Variants in FAAH observed in about 807,000 individuals in gnomAD.
The protein encoded by FAAH is fatty-acid amide hydrolase 1.
FAAH carries 63 observed loss-of-function variants against 69.7 expected under a neutral mutation model. The observed-to-expected ratio is 0.90, with a 90% CI of 0.74 to 1.12. The LOEUF (loss-of-function observed/expected upper bound fraction) is 1.12. FAAH is among the 50% of genes most tolerant of loss of function. The pLI is 0.00. For synonymous variants in FAAH, 305 were observed against 324.2 expected, an observed-to-expected ratio of 0.94 and a Z score of 0.64; for missense variants, 680 against 755.0, an observed-to-expected ratio of 0.90 and a Z score of 1.16.
chr1:46,410,961 C>A lies in FAAH; in HGVS notation c.1316+107C>A. ...GACTTGAGGGAAGTAGCCTCTGAGG[C>A]TGGAAGTGGCCCAGGCAGGGGGGCA... On this transcript the variant is annotated intron_variant, in intron 11 of 14. Coordinates refer to ENST00000243167, the MANE Select transcript of FAAH (RefSeq NM_001441.3). The surrounding 1 kb of genome is among the most constrained non-coding windows in gnomAD (Gnocchi z 4.9). The A allele has an allele frequency of 7.0e-7, 1 of 1,428,536 alleles. No individual in the cohort carries two copies. The highest frequency in any genetic ancestry group is 9.8e-7 in the Non-Finnish European group (1 of 1,015,536). The allele number at this position is 1,428,536 out of a possible 1,614,324, so 88.5% of individuals were successfully genotyped here.
chr1:46,405,473 C>G lies in FAAH; in HGVS notation c.546C>G (p.Phe182Leu), dbSNP rs200922885. The G allele has an allele frequency of 2.7e-6, 4 of 1,486,468 alleles. No individual in the cohort carries two copies. The highest frequency in any genetic ancestry group is 3.6e-6 in the Non-Finnish European group (4 of 1,102,752). The allele number at this position is 1,486,468 out of a possible 1,614,324, so 92.1% of individuals were successfully genotyped here. A position where few individuals can be genotyped will look rare whatever the true frequency, so the allele number is the denominator to read the frequency against. Residue 182 changes from phenylalanine (F) to leucine (L), a missense_variant, in exon 4 of 15, where the codon TTC (phenylalanine) becomes TTG (leucine). By Grantham distance (22) the Phe-to-Leu change is conservative. Transcript: ENST00000243167. This position sits in a 1 kb window ranked among gnomAD's most constrained non-coding sequence, Gnocchi z 4.1. ...TGAAGCTGCAGGGTGCCGTGCCCTT[C>G]GTGCACACCAATGTTCCACAGTCCA... ...HVLKLQGAVP[F>L]VHTNVPQSMF...
chr1:46,406,013 C>T (rs1370466922), intron 5 of FAAH, 25 bp from the exon 6 acceptor site: 1 of 1,614,020 alleles, frequency 6.2e-7, no homozygotes, highest in South Asian at 1.1e-5. Context: ...TTTCCTGTTT[C>T]CAGCATCTTA....
rs1664909548 is a variant in FAAH, at chr1:46,411,320, G to A, written c.1317-292G>A. 6.6e-6 allele frequency among the ~76,000 whole-genome samples: 1 copy of A among 152,210 alleles called. No individual in the cohort carries two copies. Among genetic ancestry groups the A allele is most frequent in the Non-Finnish European group, 1.5e-5 (1 of 68,028 alleles). On this transcript the variant is annotated intron_variant, in intron 11 of 14. Transcript: ENST00000243167. This position sits in a 1 kb window ranked among gnomAD's most constrained non-coding sequence, Gnocchi z 4.8. ...GACTCACTCCTTCCCTTACCACCAG[G>A]CTTCAGGACTGGCAGCAGCTATGGC...
In FAAH at chr1:46,411,035, A is replaced by G; in HGVS notation, c.1316+181A>G. The stretch of plus-strand genomic sequence containing the variant: ...CTTTGAAGTTGTCTTGGCAAGGTCC[A>G]GTTCTGGCTGGAGAGCAAAGGCCTG... On this transcript the variant is annotated intron_variant, in intron 11 of 14. Coordinates refer to ENST00000243167, the MANE Select transcript of FAAH (RefSeq NM_001441.3). The surrounding 1 kb of genome is among the most constrained non-coding windows in gnomAD (Gnocchi z 4.8). 2 of 756,758 alleles carry G rather than the reference A, an allele frequency of 2.6e-6. No individual in the cohort carries two copies. Among genetic ancestry groups the G allele is most frequent in the Non-Finnish European group, 4.7e-6 (2 of 429,426 alleles). 46.9% of individuals were successfully genotyped at this position (756,758 alleles called of 1,614,324 possible).
At chr1:46,403,526 C>A (rs758850945) in intron 2 of FAAH, among the ~76,000 whole-genome samples, 1 of 152,246 alleles carries the variant, frequency 6.6e-6, no homozygotes, top group South Asian at 2.1e-4. Flanking sequence ...CCCAGCTCTT[C>A]AGGCCATCTC....
chr1:46,405,151 A>G lies in FAAH; in HGVS notation c.444+3A>G. On this transcript the variant is annotated splice_donor_region_variant and intron_variant, in intron 3 of 14. Transcript: ENST00000243167. This position sits in a 1 kb window ranked among gnomAD's most constrained non-coding sequence, Gnocchi z 4.1. ...TCAAGGAGTGCTTCACCTACAAGGT[A>G]TGCTCTGCCTCAGCGCCAGGCCTCC... 1 of 1,613,664 alleles carries G rather than the reference A, an allele frequency of 6.2e-7. No individual in the cohort carries two copies. Among genetic ancestry groups the G allele is most frequent in the Non-Finnish European group, 8.5e-7 (1 of 1,180,042 alleles).
chr1:46,403,919 AT>A (rs1664747102), intron 2 of FAAH, among the ~76,000 whole-genome samples: 1 of 152,222 alleles, frequency 6.6e-6, no homozygotes, highest in African/African-American at 2.4e-5. Context: ...CTCAAGAAAT[AT>A]GTTTGAAAAG....
At position 46,411,863 on chromosome 1, in the gene FAAH, G is replaced by T. The variant is rs752035103; in HGVS notation, c.1356+212G>T. ...TCCTTTGAGGCTGGGTCAGCCCCAGGCTCCTGTCCTGGCCGCCTTTTTGCC... is the reference window on the plus strand; with the variant it reads ...TCCTTTGAGGCTGGGTCAGCCCCAGTCTCCTGTCCTGGCCGCCTTTTTGCC... On this transcript the variant is annotated intron_variant, in intron 12 of 14. Transcript: ENST00000243167. The surrounding 1 kb of genome is among the most constrained non-coding windows in gnomAD (Gnocchi z 4.8). Among the ~76,000 whole-genome samples the T allele has an allele frequency of 6.6e-6, 1 of 152,254 alleles. No homozygotes were observed. The highest frequency in any genetic ancestry group is 1.5e-5 in the Non-Finnish European group (1 of 68,038).
In FAAH at chr1:46,405,042, G is replaced by C. The variant is rs200660693; in HGVS notation, c.338G>C (p.Cys113Ser). The C allele has an allele frequency of 4.2e-5, 67 of 1,613,998 alleles. No homozygotes were observed. Among genetic ancestry groups the C allele is most frequent in the Non-Finnish European group, 5.1e-5 (60 of 1,180,044 alleles). Residue 113 changes from cysteine to serine, a missense_variant, in exon 3 of 15, where the codon TGT (cysteine) becomes TCT (serine). Transcript: ENST00000243167. This position sits in a 1 kb window ranked among gnomAD's most constrained non-coding sequence, Gnocchi z 4.1. ...KAWEVNKGTN[C>S]VTSYLADCET... Reference sequence around the variant, plus strand: ...TGGGAAGTGAACAAAGGGACCAACTGTGTGACCTCCTATCTGGCTGACTGT... The same window carrying C: ...TGGGAAGTGAACAAAGGGACCAACTCTGTGACCTCCTATCTGGCTGACTGT...
chr1:46,408,589 G>C lies in FAAH; in HGVS notation c.1077+5G>C. 6.2e-7 allele frequency: 1 copy of C among 1,614,158 alleles called. No individual in the cohort carries two copies. Among genetic ancestry groups the C allele is most frequent in the Admixed American group, 1.7e-5 (1 of 60,034 alleles). Reference sequence around the variant, plus strand: ...CTTGAGGCTGCGGGGCACACGGTATGACTGCAGGGTCCTGGAAGTACTGGC... The same window carrying C: ...CTTGAGGCTGCGGGGCACACGGTATCACTGCAGGGTCCTGGAAGTACTGGC... On this transcript the variant is annotated splice_donor_5th_base_variant and intron_variant, in intron 8 of 14. Transcript: ENST00000243167.
At chr1:46,401,436 T>C (rs1664702474) in intron 1 of FAAH, among the ~76,000 whole-genome samples, 1 of 152,094 alleles carries the variant, frequency 6.6e-6, no homozygotes, top group South Asian at 2.1e-4. Context: ...ACAGAATGAA[T>C]GTGTAAACCC....
intron 1 of FAAH, among the ~76,000 whole-genome samples, chr1:46,398,156 A>G (rs555266010): frequency 1.6e-4 from 24 of 152,162 alleles, no homozygotes; most frequent in African/African-American, 5.1e-4. Flanking sequence ...GCTGGTCTTG[A>G]ACTCCTGACC....
intron 7 of FAAH, 65 bp downstream of exon 7, chr1:46,406,433 G>C: frequency 6.2e-7 from 1 of 1,607,428 alleles, no homozygotes; most frequent in East Asian, 2.2e-5. Flanking sequence ...CAGGCCTTGT[G>C]GGCAGGCCTT....
intron 1 of FAAH, among the ~76,000 whole-genome samples, chr1:46,394,962 C>A (rs1001736446): frequency 3.9e-5 from 6 of 152,016 alleles, no homozygotes; most frequent in Non-Finnish European, 5.9e-5. Context: ...TGTTTTGAGA[C>A]GGAGTCTCGC....
In FAAH at chr1:46,405,888, G is replaced by A. The variant is rs528853482; in HGVS notation, c.785+94G>A. The stretch of plus-strand genomic sequence containing the variant: ...GGCTCCAGGCGGGGATTCGGTCTCC[G>A]GGGTTTTGCTGGGAGGAAGCATTAC... On this transcript the variant is annotated intron_variant, in intron 5 of 14. Transcript: ENST00000243167. The surrounding 1 kb of genome is among the most constrained non-coding windows in gnomAD (Gnocchi z 4.1). 6 of 1,606,628 alleles carry A rather than the reference G, an allele frequency of 3.7e-6. No homozygotes were observed. Among genetic ancestry groups the A allele is most frequent in the Admixed American group, 3.4e-5 (2 of 58,828 alleles).
intron 1 of FAAH, among the ~76,000 whole-genome samples, 188 bp downstream of exon 1, chr1:46,394,731 A>G (rs1324398639): frequency 2.6e-5 from 4 of 152,232 alleles, no homozygotes; most frequent in Non-Finnish European, 5.9e-5. Flanking sequence ...AAGAAAGGAA[A>G]CGGTAGTGTC....
chr1:46,410,572 G>A lies in FAAH; in HGVS notation c.1275+75G>A, dbSNP rs999735181. The stretch of plus-strand genomic sequence containing the variant: ...GGCCTCCTATCGCATGATCCCCCAT[G>A]GCCTCCCTCAGCCTCTCTTGGTTTG... On this transcript the variant is annotated intron_variant, in intron 10 of 14. Transcript: ENST00000243167. This position sits in a 1 kb window ranked among gnomAD's most constrained non-coding sequence, Gnocchi z 4.9. The A allele has an allele frequency of 7.2e-7, 1 of 1,387,680 alleles. No individual in the cohort carries two copies. Among genetic ancestry groups the A allele is most frequent in the Admixed American group, 1.7e-5 (1 of 58,550 alleles). The allele number at this position is 1,387,680 out of a possible 1,614,324, so 86.0% of individuals were successfully genotyped here.
At chr1:46,401,901 T>C (rs1345201067) in intron 1 of FAAH, among the ~76,000 whole-genome samples, 190 bp from the exon 2 acceptor site, 1 of 151,870 alleles carries the variant, frequency 6.6e-6, no homozygotes, top group African/African-American at 2.4e-5. Context: ...AAAACCTACT[T>C]GGGCAGGTCG....
Position 46,411,622 on chromosome 1 carries a change from A to G in FAAH, c.1327A>G (p.Lys443Glu), listed in dbSNP as rs1052881423. 4 of 1,613,948 alleles carry G rather than the reference A, an allele frequency of 2.5e-6. No homozygotes were observed. The highest frequency in any genetic ancestry group is 3.4e-6 in the Non-Finnish European group (4 of 1,180,006). The stretch of plus-strand genomic sequence containing the variant: ...ACTCCTTCTGCCCAGTTCGGCTGGA[A>G]AACTCTGGGAACTGCAGCACGAGAT... The part of the protein sequence containing the change: ...LSNMKSRSAG[K>E]LWELQHEIEV... The change falls in exon 12 of 15, where the codon AAA becomes GAA. Residue 443 changes from lysine to glutamate, a missense_variant. By Grantham distance (56) the Lys-to-Glu change is moderately conservative (BLOSUM62 1). Transcript: ENST00000243167. This position sits in a 1 kb window ranked among gnomAD's most constrained non-coding sequence, Gnocchi z 4.8.
Sources: gnomAD v4.1 joint callset for allele counts (sites outside exome capture counted in the v4.1 genomes callset) on GRCh38, gnomAD v4.1.1 for gene constraint, Gnocchi (gnomAD v3.1) non-coding constraint, MANE v1.5 for transcripts, NCBI Gene and HGNC (gene_info 2026-07-23, HGNC 2026-07-21) for gene names.